SLC35F4: variants seen among roughly 807,000 people sequenced by gnomAD.
SLC35F4 encodes the protein solute carrier family 35 member F4, also known as chromosome 14 open reading frame 36.
A neutral mutation model predicts 44.2 loss-of-function variants in SLC35F4; 24 were observed. The observed-to-expected ratio is 0.54, with a 90% CI of 0.39 to 0.76. The LOEUF (loss-of-function observed/expected upper bound fraction) is 0.76, where lower values mean the gene tolerates loss of function less well. Ranked by LOEUF, SLC35F4 falls within the 30% of genes least tolerant of loss-of-function variation. The pLI, the probability that SLC35F4 is intolerant of heterozygous loss-of-function variation, is 0.00. For synonymous variants in SLC35F4, 238 were observed against 223.6 expected (o/e 1.06, Z -0.57); for missense variants, 562 against 586.1 (o/e 0.96, Z 0.42).
At chr14:57,675,705 T>C (rs534944300) in intron 1 of SLC35F4, among the ~76,000 whole-genome samples, 1 of 152,226 alleles carries the variant, frequency 6.6e-6, no homozygotes, top group East Asian at 1.9e-4. Flanking sequence ...ACTGTTTTGT[T>C]GAGGGTTTTT....
chr14:57,673,707 A>G (rs2074595021), intron 1 of SLC35F4, among the ~76,000 whole-genome samples: 2 of 152,170 alleles, frequency 1.3e-5, no homozygotes, highest in South Asian at 4.1e-4. Flanking sequence ...GAGGTGTTAG[A>G]AACATTTTTT....
intron 1 of SLC35F4, among the ~76,000 whole-genome samples, chr14:57,910,766 C>T (rs1469117970): frequency 3.3e-5 from 5 of 151,986 alleles, no homozygotes; most frequent in Non-Finnish European, 7.4e-5. Context: ...GATAATCAGG[C>T]TCTCTTGCCT....
At chr14:57,879,514 T>C (rs1162491235) in intron 1 of SLC35F4, among the ~76,000 whole-genome samples, 2 of 152,134 alleles carry the variant, frequency 1.3e-5, no homozygotes, top group Admixed American at 6.6e-5. Context: ...TGTCCAACCA[T>C]ACGCTTCAGC....
chr14:57,931,449 G>A (rs1455322778), intron 1 of SLC35F4, among the ~76,000 whole-genome samples: 1 of 152,146 alleles, frequency 6.6e-6, no homozygotes, highest in Non-Finnish European at 1.5e-5. Context: ...AAAGACCCAG[G>A]GCTAGGTAGA....
chr14:57,965,109 A>G (rs998490699), intron 1 of SLC35F4, among the ~76,000 whole-genome samples: 13 of 151,968 alleles, frequency 8.6e-5, no homozygotes, highest in Non-Finnish European at 1.9e-4. Flanking sequence ...AGTGGATTAA[A>G]CCAACACAAA....
In SLC35F4 at chr14:57,937,592, A is replaced by AAAGAAAAGAG. The variant is rs1889828234; in HGVS notation, n.282+44320_282+44321insCTCTTTTCTT. ...AAGAAAAGAGAAAAGAAAAGAAAGA[A>AAAGAAAAGAG]AAGAAAAGAAAAGAAAAGAAAAGAA... On this transcript the variant is annotated intron_variant and non_coding_transcript_variant, in intron 1 of 1. Transcript: ENST00000556568. Among the ~76,000 whole-genome samples the AAAGAAAAGAG allele has an allele frequency of 2.6e-4, 4 of 15,264 alleles. No homozygotes were observed. The South Asian group carries it at 7.6e-3, about 29-fold the overall frequency. 10.0% of individuals were successfully genotyped at this position (15,264 alleles called of 152,430 possible).
intron 1 of SLC35F4, among the ~76,000 whole-genome samples, chr14:57,915,181 G>C (rs1889295402): frequency 6.6e-6 from 1 of 152,174 alleles, no homozygotes. Flanking sequence ...GTGGGAAACA[G>C]AGTTCTGAAG....
At chr14:57,667,463 T>C (rs1048656909) in intron 1 of SLC35F4, among the ~76,000 whole-genome samples, 1 of 150,948 alleles carries the variant, frequency 6.6e-6, no homozygotes, top group Non-Finnish European at 1.5e-5. Context: ...TAGGTATATC[T>C]CCTAATGCTA....
At position 57,610,746 on chromosome 14, in the gene SLC35F4, GTGA is replaced by G. The variant is rs768229566; in HGVS notation, c.104-16625_104-16623del. ...GTAGAGAAGAAAGGGAGTGAGTCTGGTGATGATCTCACTCATGCATCTGACAAA... is the reference window on the plus strand; with the variant it reads ...GTAGAGAAGAAAGGGAGTGAGTCTGGTGATCTCACTCATGCATCTGACAAA... On this transcript the variant is annotated intron_variant, in intron 1 of 7. Coordinates refer to ENST00000556826, the MANE Select transcript of SLC35F4 (RefSeq NM_001306087.2). Among the ~76,000 whole-genome samples the G allele has an allele frequency of 1.1e-3, 170 of 152,294 alleles. 1 individual carries two copies. The highest frequency in any genetic ancestry group is 3.7e-3 in the African/African-American group (155 of 41,558).
chr14:57,923,352 C>T (rs1031385901), intron 1 of SLC35F4, among the ~76,000 whole-genome samples: 1 of 152,208 alleles, frequency 6.6e-6, no homozygotes. Flanking sequence ...ACTGACTATT[C>T]TTCAGTGGAT....
At chr14:57,969,136 G>T (rs1452696398) in intron 1 of SLC35F4, among the ~76,000 whole-genome samples, 1 of 152,204 alleles carries the variant, frequency 6.6e-6, no homozygotes, top group Non-Finnish European at 1.5e-5. Context: ...GGGCTGGTTA[G>T]CAGCAGTGAT....
At chr14:57,965,660 G>A (rs1256011247) in intron 1 of SLC35F4, among the ~76,000 whole-genome samples, 1 of 152,174 alleles carries the variant, frequency 6.6e-6, no homozygotes, top group Non-Finnish European at 1.5e-5. Flanking sequence ...CTTTGGCCAG[G>A]CACATTTTGA....
rs202131810 is a variant in SLC35F4 at position 57,938,748 on chromosome 14, C to T, written n.282+43165G>A. ...AAACTCCTGACAGGTTCTGTGGCTGCGGCTACTGCTATGTAAACCATGCTT... is the reference window on the plus strand; with the variant it reads ...AAACTCCTGACAGGTTCTGTGGCTGTGGCTACTGCTATGTAAACCATGCTT... On this transcript the variant is annotated intron_variant and non_coding_transcript_variant, in intron 1 of 1. Transcript: ENST00000556568. Among the ~76,000 whole-genome samples, 30 of 152,216 alleles carry T rather than the reference C, an allele frequency of 2.0e-4. No homozygotes were observed. In the East Asian group the frequency reaches 5.8e-3, roughly 30 times the overall value.
chr14:57,758,409 C>A (rs1403632377), intron 1 of SLC35F4, among the ~76,000 whole-genome samples: 2 of 152,032 alleles, frequency 1.3e-5, no homozygotes, highest in East Asian at 3.9e-4. Flanking sequence ...ATTGTTATAA[C>A]TTCAAGTTGA....
chr14:57,718,180 CT>C (rs1191845244), intron 1 of SLC35F4, among the ~76,000 whole-genome samples: 2 of 152,192 alleles, frequency 1.3e-5, no homozygotes, highest in African/African-American at 2.4e-5. Context: ...TAGTCTCATT[CT>C]TTTTTATAGC....
chr14:57,759,154 C>G (rs1016338891), intron 1 of SLC35F4, among the ~76,000 whole-genome samples: 2 of 152,110 alleles, frequency 1.3e-5, no homozygotes, highest in Non-Finnish European at 2.9e-5. Context: ...AGATTGCTTT[C>G]CCCTCTTGGC....
At chr14:57,733,805 G>A (rs967658580) in intron 1 of SLC35F4, among the ~76,000 whole-genome samples, 53 of 150,376 alleles carry the variant, frequency 3.5e-4, no homozygotes, top group South Asian at 2.2e-4. Flanking sequence ...CTAGGAATGT[G>A]GACAGCAAGC....
At chr14:57,727,051 T>C (rs1442182419) in intron 1 of SLC35F4, among the ~76,000 whole-genome samples, 2 of 152,092 alleles carry the variant, frequency 1.3e-5, no homozygotes, top group South Asian at 2.1e-4. Flanking sequence ...CTCTCCTTGC[T>C]GCTCAGCTTG....
At chr14:57,858,933 T>TTA (rs397811576) in intron 1 of SLC35F4, among the ~76,000 whole-genome samples, 19 of 118,450 alleles carry the variant, frequency 1.6e-4, no homozygotes, top group African/African-American at 5.2e-4. Context: ...ACCTGATCTC[T>TTA]AAAAAAAAAA....
Sources: allele counts gnomAD v4.1 joint callset (sites outside exome capture counted in the v4.1 genomes callset), GRCh38; gene constraint gnomAD v4.1.1; transcripts MANE v1.5; gene names NCBI Gene and HGNC (gene_info 2026-07-23, HGNC 2026-07-21).